Variants in TSEN54 observed in about 807,000 individuals in gnomAD.
The protein encoded by TSEN54 is tRNA splicing endonuclease subunit 54.
A neutral mutation model predicts 61.9 loss-of-function variants in TSEN54; 55 were observed. The observed-to-expected ratio is 0.89, with a 90% CI of 0.72 to 1.11. The LOEUF is 1.11. TSEN54 is among the 50% of genes most tolerant of loss of function. The pLI is 0.00. For missense variants in TSEN54, 760 were observed against 687.7 expected (o/e 1.11, Z -1.18); for synonymous variants, 304 against 288.7 (o/e 1.05, Z -0.54).
At chr17:75,517,805 T>C in intron 5 of TSEN54, 150 bp downstream of exon 5, 1 of 719,518 alleles carries the variant, frequency 1.4e-6, no homozygotes, top group Non-Finnish European at 2.4e-6. Flanking sequence ...ATTGTGGTGG[T>C]GGCCTGTTGG....
Position 75,522,188 on chromosome 17 carries a change from TC to T in TSEN54, c.1110del (p.Glu371ArgfsTer39). ...AGTTCCAGGAAGATGTCAACGCCGA[TC>T]CCGAGGTGCAGCGGTGCTCCAGCTG... The part of the protein sequence containing the change: ...AQFQEDVNAD[P>X]EVQRCSSWRE... On this transcript the variant is annotated frameshift_variant, in exon 8 of 11. Coordinates refer to ENST00000333213, the MANE Select transcript of TSEN54 (RefSeq NM_207346.3). LOFTEE classifies it high-confidence loss of function. The T allele has an allele frequency of 6.5e-7, 1 of 1,549,402 alleles. No homozygotes were observed. Among genetic ancestry groups the T allele is most frequent in the South Asian group, 1.2e-5 (1 of 84,258 alleles).
rs532881194 is a variant in TSEN54 at position 75,520,330 on chromosome 17, G to T, written c.522-1079G>T. ...CACGCCTATAATCCCAGCATTTTGG[G>T]AGGCCGACGCGGGCGGATCGCGTGA... On this transcript the variant is annotated intron_variant, in intron 6 of 10. Coordinates refer to ENST00000333213, the MANE Select transcript of TSEN54 (RefSeq NM_207346.3). Among the ~76,000 whole-genome samples the T allele has an allele frequency of 1.0e-3, 157 of 152,050 alleles. 1 individual carries two copies. The highest frequency in any genetic ancestry group is 3.7e-3 in the African/African-American group (154 of 41,468).
At chr17:75,524,233 G>C (rs200564985) in intron 10 of TSEN54, 29 bp from the exon 11 acceptor site, 2 of 1,613,946 alleles carry the variant, frequency 1.2e-6, no homozygotes, top group East Asian at 4.5e-5. Flanking sequence ...GCTATGGCTG[G>C]GTCTCACTCT....
Position 75,516,587 on chromosome 17 carries a change from C to A in TSEN54, c.27C>A (p.Ala9=), listed in dbSNP as rs2147004938. 1 of 1,161,860 alleles carries A rather than the reference C, an allele frequency of 8.6e-7. No individual in the cohort carries two copies. The highest frequency in any genetic ancestry group is 1.6e-5 in the African/African-American group (1 of 61,480). The allele number at this position is 1,161,860 out of a possible 1,614,324, so 72.0% of individuals were successfully genotyped here. A position where few individuals can be genotyped will look rare whatever the true frequency, so the allele number is the denominator to read the frequency against. The change falls in exon 1 of 11, where the codon GCC becomes GCA. Residue 9 remains alanine (A), a synonymous_variant. Transcript: ENST00000333213. The part of the protein sequence containing the change: MEPEPEPA[A]VEVPAGRVLS... ...TGGAGCCCGAGCCCGAGCCCGCGGC[C>A]GTGGAGGTTCCCGCGGGGCGCGTGC...
rs755289582 is a variant in TSEN54, at chr17:75,517,666, C to A, written c.468+11C>A. 2 of 1,610,248 alleles carry A rather than the reference C, an allele frequency of 1.2e-6. No homozygotes were observed. Among genetic ancestry groups the A allele is most frequent in the Non-Finnish European group, 1.7e-6 (2 of 1,177,220 alleles). ...TTCCTGCAGTACCAGGTATCTGCCA[C>A]CACCCCGCCTCCGGGAGCCACCCAT... On this transcript the variant is annotated intron_variant, in intron 5 of 10. Coordinates refer to ENST00000333213, the MANE Select transcript of TSEN54 (RefSeq NM_207346.3).
In TSEN54 at chr17:75,524,528, T is replaced by C; in HGVS notation, c.*116T>C. 1 of 1,348,666 alleles carries C rather than the reference T, an allele frequency of 7.4e-7. No individual in the cohort carries two copies. The highest frequency in any genetic ancestry group is 1.1e-6 in the Non-Finnish European group (1 of 952,116). The allele number at this position is 1,348,666 out of a possible 1,614,324, so 83.5% of individuals were successfully genotyped here. On this transcript the variant is annotated 3_prime_UTR_variant, in exon 11 of 11. Transcript: ENST00000333213. ...TCTAACCTGTAGCTTCAGAGGCCAGTCTGGGCCTTGGCCCTGGGTGTCTGA... is the reference window on the plus strand; with the variant it reads ...TCTAACCTGTAGCTTCAGAGGCCAGCCTGGGCCTTGGCCCTGGGTGTCTGA...
In TSEN54 at chr17:75,522,257, G is replaced by A. The variant is rs1338231970; in HGVS notation, c.1176G>A (p.Arg392=). Residue 392 remains arginine, a synonymous_variant, in exon 8 of 11, where the codon AGG becomes AGA. Transcript: ENST00000333213. The part of the protein sequence containing the change: ...KELLQRRQVQ[R]SQRRAPHLWG... Reference sequence around the variant, plus strand: ...TGCTGCAGCGGCGGCAGGTGCAGAGGAGCCAGCGCCGGGCCCCTCACCTGT... The same window carrying A: ...TGCTGCAGCGGCGGCAGGTGCAGAGAAGCCAGCGCCGGGCCCCTCACCTGT... 6.5e-7 allele frequency: 1 copy of A among 1,547,380 alleles called. No individual in the cohort carries two copies. The highest frequency in any genetic ancestry group is 8.7e-7 in the Non-Finnish European group (1 of 1,146,318).
intron 5 of TSEN54, chr17:75,518,780 C>G (rs2053399099): frequency 2.0e-6 from 2 of 985,262 alleles, no homozygotes; most frequent in South Asian, 9.4e-5. Flanking sequence ...TCATTTGTGC[C>G]GAGTAAGGTA....
At position 75,521,876 on chromosome 17, in the gene TSEN54, C is replaced by T. The variant is rs1233301412; in HGVS notation, c.795C>T (p.Gly265=). 1 of 1,610,630 alleles carries T rather than the reference C, an allele frequency of 6.2e-7. No homozygotes were observed. Among genetic ancestry groups the T allele is most frequent in the Non-Finnish European group, 8.5e-7 (1 of 1,178,894 alleles). The change falls in exon 8 of 11, where the codon GGC becomes GGT. Residue 265 remains glycine (G), a synonymous_variant. Coordinates refer to ENST00000333213, the MANE Select transcript of TSEN54 (RefSeq NM_207346.3). The stretch of plus-strand genomic sequence containing the variant: ...CCTTTCAGCTTCTGGGGTCCCTGGG[C>T]CCCAGCCCTGGCCCGGCCAGGGAGG... The part of the protein sequence containing the change: ...GGPFQLLGSL[G]PSPGPAREGV...
intron 5 of TSEN54, 148 bp downstream of exon 5, chr17:75,517,803 G>T: frequency 2.7e-6 from 2 of 737,536 alleles, no homozygotes; most frequent in Non-Finnish European, 4.7e-6. Context: ...ACATTGTGGT[G>T]GTGGCCTGTT....
At chr17:75,520,849 G>C (rs2053419921) in intron 6 of TSEN54, among the ~76,000 whole-genome samples, 1 of 151,440 alleles carries the variant, frequency 6.6e-6, no homozygotes, top group African/African-American at 2.4e-5. Context: ...GGTACTACTC[G>C]GGATGCTGAG....
intron 10 of TSEN54, among the ~76,000 whole-genome samples, 174 bp downstream of exon 10, chr17:75,523,953 C>T (rs1336898558): frequency 1.3e-5 from 2 of 152,232 alleles, no homozygotes; most frequent in African/African-American, 4.8e-5. Flanking sequence ...CTGCCCTACT[C>T]TGAGCTCCTC....
chr17:75,522,061 TGGC>T lies in TSEN54; in HGVS notation c.981_983del (p.Ala328del). On this transcript the variant is annotated inframe_deletion, in exon 8 of 11. Transcript: ENST00000333213. Reference sequence around the variant, plus strand: ...GCCCCAGAGCTGCTCCCGGCCAACGTGGCTGGGCGGGAGACAGACGCTGAGTCC... The same window carrying T: ...GCCCCAGAGCTGCTCCCGGCCAACGTTGGGCGGGAGACAGACGCTGAGTCC... 1 of 1,588,694 alleles carries T rather than the reference TGGC, an allele frequency of 6.3e-7. No individual in the cohort carries two copies. Among genetic ancestry groups the T allele is most frequent in the African/African-American group, 1.3e-5 (1 of 74,348 alleles).
At chr17:75,519,176 G>C (rs2053403653) in intron 6 of TSEN54, 129 bp downstream of exon 6, 1 of 1,053,164 alleles carries the variant, frequency 9.5e-7, no homozygotes. Flanking sequence ...GCACAGACTG[G>C]GGGCGCCTGC....
intron 8 of TSEN54, chr17:75,522,703 C>A: frequency 4.7e-6 from 2 of 421,894 alleles, no homozygotes; most frequent in Non-Finnish European, 8.1e-6. Context: ...CCCAGGGAAC[C>A]AATGGGGAAA....
chr17:75,516,996 C>CA lies in TSEN54; in HGVS notation c.222-12dup. On this transcript the variant is annotated splice_polypyrimidine_tract_variant and intron_variant, in intron 2 of 10. Coordinates refer to ENST00000333213, the MANE Select transcript of TSEN54 (RefSeq NM_207346.3). ...GAATGGACTGACGCAGACCCCTCCC[C>CA]ACTCCTCGCCAGGGGCAGCTTGGTG... 1 of 1,573,946 alleles carries CA rather than the reference C, an allele frequency of 6.4e-7. No homozygotes were observed. Among genetic ancestry groups the CA allele is most frequent in the Non-Finnish European group, 8.6e-7 (1 of 1,160,350 alleles).
In TSEN54 at chr17:75,521,509, C is replaced by G; in HGVS notation, c.622C>G (p.Arg208Gly). 8 of 1,613,864 alleles carry G rather than the reference C, an allele frequency of 5.0e-6. No homozygotes were observed. The highest frequency in any genetic ancestry group is 6.8e-6 in the Non-Finnish European group (8 of 1,179,848). The change falls in exon 7 of 11, where the codon CGG becomes GGG. Residue 208 changes from arginine to glycine, a missense_variant and splice_region_variant. Arg to Gly is a moderately radical substitution (Grantham distance 125, BLOSUM62 -2). Coordinates refer to ENST00000333213, the MANE Select transcript of TSEN54 (RefSeq NM_207346.3). Reference protein sequence around the residue: ...GKRKRSSSSPRSINKKAKALD... With the variant: ...GKRKRSSSSPGSINKKAKALD... ...GAGAAAGAGGAGCAGCTCCAGCCCT[C>G]GGTAACTCCCACATCACGGTGGCCC...
rs1257937364 is a variant in TSEN54, at chr17:75,516,910, T to C, written c.221T>C (p.Leu74Pro). 1.3e-6 allele frequency: 2 copies of C among 1,544,014 alleles called. No individual in the cohort carries two copies. The highest frequency in any genetic ancestry group is 1.7e-6 in the Non-Finnish European group (2 of 1,147,422). ...CTGGCAGAGCAGCGCGTGGAGCGCCTGTGAGAGGGGCGGGCCCAGGGGTAA... is the reference window on the plus strand; with the variant it reads ...CTGGCAGAGCAGCGCGTGGAGCGCCCGTGAGAGGGGCGGGCCCAGGGGTAA... Reference protein sequence around the residue: ...QLLAEQRVERLGSLVAAEWRP... With the variant: ...QLLAEQRVERPGSLVAAEWRP... Residue 74 changes from leucine (L) to proline (P), a missense_variant and splice_region_variant, in exon 2 of 11, where the codon CTG (leucine) becomes CCG (proline). Physicochemically the swap from Leu to Pro is moderately conservative, Grantham distance 98. Transcript: ENST00000333213.
chr17:75,517,246 T>TA lies in TSEN54; in HGVS notation c.369+4dup, dbSNP rs758474878. On this transcript the variant is annotated splice_region_variant and intron_variant, in intron 4 of 10. Transcript: ENST00000333213. ...GAGGCCTTGTATCTTCTGGAGTGTG[T>TA]AAGTGGGGCCCGGGAGGTGGGGAAG... The TA allele has an allele frequency of 5.0e-6, 8 of 1,592,118 alleles. No homozygotes were observed. In the Admixed American group the frequency reaches 1.1e-4, roughly 21 times the overall value.
Sources: gnomAD v4.1 joint callset for allele counts (sites outside exome capture counted in the v4.1 genomes callset) on GRCh38, gnomAD v4.1.1 for gene constraint, MANE v1.5 for transcripts, NCBI Gene and HGNC (gene_info 2026-07-23, HGNC 2026-07-21) for gene names.